The following DNM3 variants were observed in gnomAD, a reference collection of about 807,000 sequenced individuals.
DNM3 encodes the protein dynamin-3.
DNM3 carries 47 observed loss-of-function variants against 101.6 expected under a neutral mutation model. The observed-to-expected ratio is 0.46, with a 90% confidence interval of 0.37 to 0.59. The LOEUF (loss-of-function observed/expected upper bound fraction) is 0.59, where lower values mean the gene tolerates loss of function less well. DNM3 is among the 20% of genes least tolerant of loss of function. The pLI is 0.00. For synonymous variants in DNM3, 385 were observed against 387.9 expected (o/e 0.99, Z 0.09); for missense variants, 849 against 1,085.7 (o/e 0.78, Z 3.06).
At chr1:171,969,904 T>C (rs529359443) in intron 2 of DNM3, among the ~76,000 whole-genome samples, 49 of 152,184 alleles carry the variant, frequency 3.2e-4, no homozygotes, top group African/African-American at 1.2e-3. Flanking sequence ...ACAGTCAGGG[T>C]TGTTTGGAGT....
At chr1:171,851,676 A>T (rs1289423063) in intron 1 of DNM3, among the ~76,000 whole-genome samples, 1 of 152,176 alleles carries the variant, frequency 6.6e-6, no homozygotes, top group Non-Finnish European at 1.5e-5. Context: ...TGCCTCCCAA[A>T]ATGCTGGGAT....
intron 9 of DNM3, among the ~76,000 whole-genome samples, chr1:172,047,781 C>G (rs924773288): frequency 1.3e-5 from 2 of 151,912 alleles, no homozygotes; most frequent in Non-Finnish European, 1.5e-5. Context: ...AATTCAGTTG[C>G]AGGAAGAGAA....
chr1:171,894,491 A>C (rs1446095424), intron 1 of DNM3, among the ~76,000 whole-genome samples: 1 of 151,704 alleles, frequency 6.6e-6, no homozygotes, highest in Non-Finnish European at 1.5e-5. Flanking sequence ...TGCAACCTCC[A>C]CTTCCCAGGT....
Position 171,868,944 on chromosome 1 carries a change from C to T in DNM3, c.161+27127C>T, listed in dbSNP as rs1021805709. On this transcript the variant is annotated intron_variant, in intron 1 of 20. Coordinates refer to ENST00000627582, the MANE Select transcript of DNM3 (RefSeq NM_015569.5). ...GATTACAGGCATGCGCCACCACACC[C>T]GGCTAATTTTGTACTTTTAGTAGAG... Among the ~76,000 whole-genome samples, 23 of 152,068 alleles carry T rather than the reference C, an allele frequency of 1.5e-4. No individual in the cohort carries two copies. The South Asian group carries it at 1.7e-3, about 11-fold the overall frequency.
At chr1:172,311,670 T>G (rs2757501) in intron 16 of DNM3, among the ~76,000 whole-genome samples, 14,193 of 152,216 alleles carry the variant, frequency 0.093, 874 homozygotes, top group African/African-American at 0.17. Context: ...GTTATCCATC[T>G]CCCAGTAAAC....
At chr1:172,247,733 G>A (rs927923093) in intron 14 of DNM3, among the ~76,000 whole-genome samples, 3 of 151,484 alleles carry the variant, frequency 2.0e-5, no homozygotes, top group Admixed American at 6.6e-5. Flanking sequence ...CACCCAGGCT[G>A]GAGTGCAATG....
intron 2 of DNM3, among the ~76,000 whole-genome samples, chr1:171,952,194 T>TA (rs1230976640): frequency 6.6e-6 from 1 of 152,208 alleles, no homozygotes; most frequent in Non-Finnish European, 1.5e-5. Flanking sequence ...CACTTTTAGT[T>TA]AATCCTTTCT....
intron 17 of DNM3, among the ~76,000 whole-genome samples, chr1:172,366,125 T>G (rs1413257070): frequency 6.6e-6 from 1 of 151,774 alleles, no homozygotes; most frequent in Non-Finnish European, 1.5e-5. Flanking sequence ...CCCTGCTACT[T>G]GGGAAGTTGA....
chr1:172,322,631 C>T (rs1318409463), intron 16 of DNM3, among the ~76,000 whole-genome samples: 1 of 152,104 alleles, frequency 6.6e-6, no homozygotes, highest in African/African-American at 2.4e-5. Context: ...CTTTCCAGAC[C>T]CATTTCTTGA....
intron 17 of DNM3, among the ~76,000 whole-genome samples, chr1:172,328,351 C>A (rs989259779): frequency 5.9e-5 from 9 of 152,156 alleles, no homozygotes; most frequent in Non-Finnish European, 1.2e-4. Flanking sequence ...TTTAACACTG[C>A]TCCAAAACAA....
intron 12 of DNM3, 72 bp downstream of exon 12, chr1:172,081,974 A>G: frequency 4.8e-6 from 7 of 1,468,428 alleles, no homozygotes; most frequent in Middle Eastern, 1.7e-4. Context: ...GTGAATTTTT[A>G]CTACAGTTTC....
chr1:171,857,259 A>G (rs1056218656), intron 1 of DNM3, among the ~76,000 whole-genome samples: 2 of 152,174 alleles, frequency 1.3e-5, no homozygotes, highest in Non-Finnish European at 2.9e-5. Flanking sequence ...CATCTGAGGT[A>G]CCAGTGGGGA....
intron 15 of DNM3, among the ~76,000 whole-genome samples, chr1:172,263,615 G>T (rs1404449428): frequency 6.6e-6 from 1 of 152,176 alleles, no homozygotes; most frequent in Non-Finnish European, 1.5e-5. Flanking sequence ...AAGAGAGTAT[G>T]TGCAGGGGAA....
chr1:171,992,012 G>A (rs375027674), intron 4 of DNM3, among the ~76,000 whole-genome samples: 45 of 152,214 alleles, frequency 3.0e-4, no homozygotes, highest in African/African-American at 1.1e-3. Flanking sequence ...TGACAAGATG[G>A]CTATAGATAT....
chr1:172,366,174 T>C (rs2068007382), intron 17 of DNM3, among the ~76,000 whole-genome samples: 2 of 151,860 alleles, frequency 1.3e-5, no homozygotes, highest in Non-Finnish European at 2.9e-5. Context: ...TCAAGTGAGC[T>C]ATGATCACAC....
intron 2 of DNM3, among the ~76,000 whole-genome samples, chr1:171,926,102 T>C (rs770337663): frequency 3.3e-5 from 5 of 152,220 alleles, no homozygotes; most frequent in Non-Finnish European, 7.3e-5. Context: ...TTGGTTACTA[T>C]AGCCTTGTAT....
chr1:172,193,486 G>T (rs543508076), intron 14 of DNM3, among the ~76,000 whole-genome samples: 188 of 152,176 alleles, frequency 1.2e-3, no homozygotes, highest in African/African-American at 4.1e-3. Flanking sequence ...AATCCATCTG[G>T]TCCTGGACTT....
intron 20 of DNM3, among the ~76,000 whole-genome samples, chr1:172,397,790 C>T (rs998909476): frequency 6.6e-6 from 1 of 151,858 alleles, no homozygotes; most frequent in African/African-American, 2.4e-5. Flanking sequence ...TAACTTAGGA[C>T]CTTTTTGCCA....
intron 14 of DNM3, among the ~76,000 whole-genome samples, chr1:172,242,064 G>C (rs2061769466): frequency 6.6e-6 from 1 of 152,132 alleles, no homozygotes. Flanking sequence ...GCAGAATACA[G>C]AATCTTCCTA....
Sources: allele counts gnomAD v4.1 joint callset (sites outside exome capture counted in the v4.1 genomes callset), GRCh38; gene constraint gnomAD v4.1.1; transcripts MANE v1.5; gene names NCBI Gene and HGNC (gene_info 2026-07-23, HGNC 2026-07-21).